The following PTPN13 variants were observed in gnomAD, a reference collection of about 807,000 sequenced individuals.
The protein encoded by PTPN13 is protein tyrosine phosphatase non-receptor type 13, also known as tyrosine-protein phosphatase non-receptor type 13.
Under a neutral mutation model 284.0 loss-of-function variants are expected in PTPN13, and 191 were observed. The observed-to-expected ratio is 0.67, with a 90% CI of 0.60 to 0.76. The LOEUF (loss-of-function observed/expected upper bound fraction) is 0.76, where lower values mean the gene tolerates loss of function less well. Among genes scored for constraint, PTPN13 ranks in the 30% least tolerant of loss-of-function variants. The probability of loss-of-function intolerance (pLI) is 0.00; values close to 1 mark genes in which losing one functional copy is unlikely to be tolerated. For synonymous variants in PTPN13, 986 were observed against 1,022.3 expected (o/e 0.96, Z 0.68); for missense variants, 2,797 against 2,939.9 (o/e 0.95, Z 1.12).
chr4:86,617,334 A>G (rs1720669837), intron 1 of PTPN13, among the ~76,000 whole-genome samples: 1 of 152,188 alleles, frequency 6.6e-6, no homozygotes, highest in Non-Finnish European at 1.5e-5. Context: ...GGAGGGTTCA[A>G]CTTAATGATT....
rs1442515823 is a variant in PTPN13, at chr4:86,701,654, G to T, written c.1048G>T (p.Ala350Ser). The stretch of plus-strand genomic sequence containing the variant: ...GGCAAGATACTCAGATGGAAGTATA[G>T]CCTTGGATATCTTTGGCCCTCAGAA... Reference protein sequence around the residue: ...KEARYSDGSIALDIFGPQKMD... With the variant: ...KEARYSDGSISLDIFGPQKMD... The change falls in exon 7 of 48, where the codon GCC becomes TCC. Residue 350 changes from alanine (A) to serine (S), a missense_variant. Ala to Ser is a moderately conservative substitution (Grantham distance 99). Transcript: ENST00000411767. The T allele has an allele frequency of 6.2e-7, 1 of 1,613,924 alleles. No homozygotes were observed. Among genetic ancestry groups the T allele is most frequent in the Admixed American group, 1.7e-5 (1 of 60,008 alleles).
chr4:86,629,152 G>A (rs996037262), intron 1 of PTPN13, among the ~76,000 whole-genome samples: 3 of 148,236 alleles, frequency 2.0e-5, no homozygotes, highest in East Asian at 2.0e-4. Flanking sequence ...CCATCAGAGC[G>A]AACAGGCAAC....
chr4:86,678,238 G>A (rs2148915294), intron 3 of PTPN13, among the ~76,000 whole-genome samples: 1 of 152,150 alleles, frequency 6.6e-6, no homozygotes, highest in East Asian at 1.9e-4. Flanking sequence ...AATTTTGGAG[G>A]TGACTTTTAG....
At chr4:86,598,228 C>A (rs1249299131) in intron 1 of PTPN13, among the ~76,000 whole-genome samples, 1 of 151,882 alleles carries the variant, frequency 6.6e-6, no homozygotes, top group East Asian at 1.9e-4. Flanking sequence ...AACCTCTGCC[C>A]CCGATCCTGG....
At chr4:86,606,060 G>T (rs1764712170) in intron 1 of PTPN13, among the ~76,000 whole-genome samples, 1 of 151,848 alleles carries the variant, frequency 6.6e-6, no homozygotes, top group East Asian at 1.9e-4. Context: ...TGGGAGGATT[G>T]GGTGAAATGG....
chr4:86,629,980 A>G (rs1722291764), intron 1 of PTPN13, among the ~76,000 whole-genome samples: 1 of 152,102 alleles, frequency 6.6e-6, no homozygotes, highest in African/African-American at 2.4e-5. Context: ...TTGCCCAGGC[A>G]GTCTTGAACC....
At chr4:86,656,993 C>T (rs949525276) in intron 2 of PTPN13, among the ~76,000 whole-genome samples, 9 of 152,270 alleles carry the variant, frequency 5.9e-5, no homozygotes, top group African/African-American at 2.2e-4. Context: ...TAGCAGTGAG[C>T]GAGGCTCTGT....
chr4:86,743,881 A>C (rs1736435460), intron 16 of PTPN13, among the ~76,000 whole-genome samples: 1 of 152,206 alleles, frequency 6.6e-6, no homozygotes, highest in African/African-American at 2.4e-5. Context: ...AATAATCTGC[A>C]CAGTAGCCAA....
intron 33 of PTPN13, 25 bp downstream of exon 33, chr4:86,774,556 T>C: frequency 6.4e-7 from 1 of 1,566,464 alleles, no homozygotes. Context: ...AGGAATGGAT[T>C]ATTTGTGTAA....
chr4:86,777,416 A>G lies in PTPN13; in HGVS notation c.5891+1764A>G, dbSNP rs146081451. 4.5e-3 allele frequency among the ~76,000 whole-genome samples: 685 copies of G among 152,274 alleles called. 4 individuals carry two copies. Among genetic ancestry groups the G allele is most frequent in the African/African-American group, 0.016 (649 of 41,554 alleles). ...ACTTTCCTGCCTCCCTCTTTCACTT[A>G]TTAGGACCCCTGTGATTATAATGGG... On this transcript the variant is annotated intron_variant, in intron 35 of 47. Transcript: ENST00000411767.
chr4:86,750,390 C>A, intron 17 of PTPN13, 80 bp from the exon 18 acceptor site: 1 of 1,284,330 alleles, frequency 7.8e-7, no homozygotes, highest in Non-Finnish European at 1.1e-6. Context: ...AAACTGCATG[C>A]TGCTTATTTA....
intron 1 of PTPN13, among the ~76,000 whole-genome samples, chr4:86,602,907 C>T: frequency 6.6e-6 from 1 of 152,038 alleles, no homozygotes; most frequent in East Asian, 1.9e-4. Flanking sequence ...TTATGTTGCG[C>T]AGGCTGGTCT....
At chr4:86,751,923 A>ATGTGTGTGTG (rs3035339) in intron 19 of PTPN13, among the ~76,000 whole-genome samples, 1 of 149,074 alleles carries the variant, frequency 6.7e-6, no homozygotes, top group Non-Finnish European at 1.5e-5. Context: ...AATTGTATGT[A>ATGTGTGTGTG]TGTGTGTGTG....
intron 18 of PTPN13, 21 bp from the exon 19 acceptor site, chr4:86,751,006 A>G (rs1409695707): frequency 1.9e-6 from 3 of 1,581,484 alleles, no homozygotes; most frequent in Non-Finnish European, 2.6e-6. Flanking sequence ...CTTCCCTCCT[A>G]CCTTCCTTTT....
chr4:86,742,282 C>A (rs1033476817), intron 16 of PTPN13, among the ~76,000 whole-genome samples: 1 of 152,100 alleles, frequency 6.6e-6, no homozygotes, highest in African/African-American at 2.4e-5. Context: ...CCAGGACTTT[C>A]CGCAATTTTA....
intron 3 of PTPN13, among the ~76,000 whole-genome samples, chr4:86,683,589 A>C (rs1376982243): frequency 6.6e-6 from 1 of 152,216 alleles, no homozygotes; most frequent in Non-Finnish European, 1.5e-5. Flanking sequence ...AAACACTTTC[A>C]CAGAAACACC....
chr4:86,655,306 C>T (rs922753217), intron 2 of PTPN13, among the ~76,000 whole-genome samples: 1 of 152,106 alleles, frequency 6.6e-6, no homozygotes, highest in South Asian at 2.1e-4. Flanking sequence ...AGTTATTTTG[C>T]TCGTTAGTTG....
At chr4:86,746,189 A>G (rs889509731) in intron 17 of PTPN13, among the ~76,000 whole-genome samples, 3 of 152,214 alleles carry the variant, frequency 2.0e-5, no homozygotes, top group African/African-American at 7.2e-5. Flanking sequence ...CTGACTCTGG[A>G]AAAAATATCT....
chr4:86,685,009 C>G (rs1729294469), intron 3 of PTPN13, among the ~76,000 whole-genome samples: 1 of 152,210 alleles, frequency 6.6e-6, no homozygotes, highest in South Asian at 2.1e-4. Context: ...CATCTTACTA[C>G]AGATGAACTG....
Sources: allele counts gnomAD v4.1 joint callset (sites outside exome capture counted in the v4.1 genomes callset), GRCh38; gene constraint gnomAD v4.1.1; transcripts MANE v1.5; gene names NCBI Gene and HGNC (gene_info 2026-07-23, HGNC 2026-07-21).